The following NCKAP1 variants were observed in gnomAD, a reference collection of about 807,000 sequenced individuals.
NCKAP1 encodes the protein nck-associated protein 1.
Under a neutral mutation model 151.2 loss-of-function variants are expected in NCKAP1, and 21 were observed. That is an observed-to-expected ratio of 0.14 (90% confidence interval 0.10 to 0.20). NCKAP1 has a LOEUF of 0.20. Ranked by LOEUF, NCKAP1 falls within the 10% of genes least tolerant of loss-of-function variation. The pLI, the probability that NCKAP1 is intolerant of heterozygous loss-of-function variation, is 1.00. For synonymous variants in NCKAP1, 484 were observed against 451.8 expected (o/e 1.07, Z -0.90); for missense variants, 933 against 1,352.1 (o/e 0.69, Z 4.86).
intron 23 of NCKAP1, among the ~76,000 whole-genome samples, chr2:182,951,774 C>T (rs1485584948): frequency 6.6e-6 from 1 of 151,720 alleles, no homozygotes; most frequent in Non-Finnish European, 1.5e-5. Context: ...TTTTGGTGGC[C>T]CAAGTTCAAA....
At chr2:182,952,746 G>A (rs1278698610) in intron 22 of NCKAP1, 47 bp downstream of exon 22, 1 of 1,507,892 alleles carries the variant, frequency 6.6e-7, no homozygotes, top group East Asian at 2.3e-5. Flanking sequence ...ACTAGCAAAA[G>A]AATTAAGTGT....
rs1356807100 is a variant in NCKAP1 at position 182,930,794 on chromosome 2, A to G, written c.2860-6T>C. On this transcript the variant is annotated splice_region_variant and splice_polypyrimidine_tract_variant and intron_variant, in intron 26 of 30. Coordinates refer to ENST00000361354, the MANE Select transcript of NCKAP1 (RefSeq NM_013436.5). The stretch of plus-strand genomic sequence containing the variant: ...TCATACACATTCATTGCAACCTGAT[A>G]AAAACAAAAGAATTACAGAGCAATA... 5.0e-6 allele frequency: 8 copies of G among 1,608,806 alleles called. No individual in the cohort carries two copies. Among genetic ancestry groups the G allele is most frequent in the Non-Finnish European group, 6.8e-6 (8 of 1,175,522 alleles).
At chr2:182,955,170 A>G (rs550663111) in intron 20 of NCKAP1, among the ~76,000 whole-genome samples, 60 of 152,332 alleles carry the variant, frequency 3.9e-4, no homozygotes, top group Non-Finnish European at 6.8e-4. Flanking sequence ...GCCACTTTAT[A>G]TACTGTCATA....
At chr2:182,980,924 T>C (rs1295539632) in intron 13 of NCKAP1, among the ~76,000 whole-genome samples, 2 of 152,180 alleles carry the variant, frequency 1.3e-5, no homozygotes, top group Non-Finnish European at 2.9e-5. Context: ...TCTTTTTAAG[T>C]AGTACACCTG....
chr2:182,993,728 T>C (rs906687808), intron 8 of NCKAP1, among the ~76,000 whole-genome samples: 4 of 148,602 alleles, frequency 2.7e-5, no homozygotes, highest in Admixed American at 6.7e-5. Flanking sequence ...TACTTGAAGG[T>C]TGGGATAAAA....
intron 2 of NCKAP1, among the ~76,000 whole-genome samples, chr2:183,010,149 C>T (rs149699189): frequency 8.0e-4 from 122 of 152,352 alleles, no homozygotes; most frequent in East Asian, 5.8e-4. Flanking sequence ...TAGAACTCTA[C>T]TGCCTCCATT....
In NCKAP1 at chr2:182,913,923, T is replaced by A. The variant is rs1248685731; in HGVS notation, c.*11779A>T. The A allele has an allele frequency of 6.6e-6, 1 of 152,288 alleles. No individual in the cohort carries two copies. The highest frequency in any genetic ancestry group is 1.5e-5 in the Non-Finnish European group (1 of 68,124). The allele number at this position is 152,288 out of a possible 1,614,324, so 9.4% of individuals were successfully genotyped here. On this transcript the variant is annotated 3_prime_UTR_variant, in exon 31 of 31. Coordinates refer to ENST00000361354, the MANE Select transcript of NCKAP1 (RefSeq NM_013436.5). ...GTCCATACTCCATGAAACTTTCTGC[T>A]TAAGTAGCCCCCACAACCCTCAGCC...
chr2:182,994,501 T>C (rs1698228460), intron 8 of NCKAP1, among the ~76,000 whole-genome samples: 1 of 152,024 alleles, frequency 6.6e-6, no homozygotes, highest in South Asian at 2.1e-4. Flanking sequence ...TAGCCAGGCA[T>C]GGTAGCGTGT....
intron 29 of NCKAP1, among the ~76,000 whole-genome samples, chr2:182,927,634 A>G (rs571960615): frequency 6.6e-6 from 1 of 152,234 alleles, no homozygotes; most frequent in South Asian, 2.1e-4. Flanking sequence ...GGTAGTGAGT[A>G]GTATTTTTAA....
intron 10 of NCKAP1, among the ~76,000 whole-genome samples, chr2:182,985,132 A>T (rs1188448884): frequency 6.6e-6 from 1 of 152,228 alleles, no homozygotes; most frequent in African/African-American, 2.4e-5. Context: ...AATATGCATG[A>T]GGAATGATAT....
At position 182,921,769 on chromosome 2, in the gene NCKAP1, G is replaced by A. The variant is rs949117225; in HGVS notation, c.*3933C>T. 5.3e-5 allele frequency: 8 copies of A among 152,168 alleles called. No individual in the cohort carries two copies. Among genetic ancestry groups the A allele is most frequent in the Admixed American group, 4.6e-4 (7 of 15,280 alleles). 9.4% of individuals were successfully genotyped at this position (152,168 alleles called of 1,614,324 possible). A position where few individuals can be genotyped will look rare whatever the true frequency, so the allele number is the denominator to read the frequency against. On this transcript the variant is annotated 3_prime_UTR_variant, in exon 31 of 31. Transcript: ENST00000361354. ...GACATGTTTACTCTGGACAGTCAAG[G>A]ACAGCGATGTGTAGGGAAAGTTTGG...
intron 2 of NCKAP1, among the ~76,000 whole-genome samples, chr2:183,020,557 A>G (rs969955793): frequency 3.3e-5 from 5 of 151,746 alleles, no homozygotes; most frequent in South Asian, 2.1e-4. Flanking sequence ...AAATTGGGGG[A>G]CATGTGTTAC....
Position 183,023,933 on chromosome 2 carries a change from A to AT in NCKAP1, c.109-18dup, listed in dbSNP as rs770041907. ...TCCACATGCCTATAAAACAACAGTA[A>AT]TAAAAAAAAGTGAAATGCACCCTTC... is the stretch of plus-strand genomic sequence containing the variant. On this transcript the variant is annotated splice_polypyrimidine_tract_variant and intron_variant, in intron 1 of 30. Coordinates refer to ENST00000361354, the MANE Select transcript of NCKAP1 (RefSeq NM_013436.5). 6.5e-7 allele frequency: 1 copy of AT among 1,544,764 alleles called. No homozygotes were observed. Among genetic ancestry groups the AT allele is most frequent in the East Asian group, 2.3e-5 (1 of 44,074 alleles).
chr2:182,990,548 C>T (rs1698146827), intron 8 of NCKAP1, among the ~76,000 whole-genome samples: 1 of 152,126 alleles, frequency 6.6e-6, no homozygotes, highest in Non-Finnish European at 1.5e-5. Flanking sequence ...TAATTTTATA[C>T]ATGCTGACTG....
intron 2 of NCKAP1, among the ~76,000 whole-genome samples, chr2:183,011,615 T>C (rs1698591608): frequency 1.3e-5 from 2 of 152,208 alleles, no homozygotes; most frequent in Admixed American, 1.3e-4. Context: ...AATTGGTGAG[T>C]AGTATTCTGT....
chr2:183,017,268 A>G (rs531795592), intron 2 of NCKAP1, among the ~76,000 whole-genome samples: 1 of 152,256 alleles, frequency 6.6e-6, no homozygotes, highest in South Asian at 2.1e-4. Context: ...TTTATTGAGC[A>G]CTTTATTTCT....
chr2:183,003,984 T>G (rs559190007), intron 2 of NCKAP1, among the ~76,000 whole-genome samples: 125 of 152,342 alleles, frequency 8.2e-4, no homozygotes, highest in African/African-American at 2.8e-3. Context: ...TCCCAATTTT[T>G]CTTTTAAAAT....
Position 182,964,798 on chromosome 2 carries a change from G to T in NCKAP1, c.1639C>A (p.Arg547Ser). Reference sequence around the variant, plus strand: ...TGTTGAAACATCTTCTCAAAAGCACGACTATAAAAACTATATAAACAAAAA... The same window carrying T: ...TGTTGAAACATCTTCTCAAAAGCACTACTATAAAAACTATATAAACAAAAA... ...SDLSIFCFYS[R>S]AFEKMFQQCL... Residue 547 changes from arginine (R) to serine (S), a missense_variant, in exon 17 of 31, where the codon CGT becomes AGT. Transcript: ENST00000361354. The T allele has an allele frequency of 1.3e-6, 2 of 1,598,900 alleles. No individual in the cohort carries two copies. The highest frequency in any genetic ancestry group is 1.7e-6 in the Non-Finnish European group (2 of 1,173,658).
In NCKAP1 at chr2:182,995,752, C is replaced by A. The variant is rs1358189925; in HGVS notation, c.690G>T (p.Leu230Phe). The change falls in exon 7 of 31, where the codon TTG becomes TTT. Residue 230 changes from leucine to phenylalanine, a missense_variant. Physicochemically the swap from Leu to Phe is conservative, Grantham distance 22. Coordinates refer to ENST00000361354, the MANE Select transcript of NCKAP1 (RefSeq NM_013436.5). ...TTGTACTAGGTGCACTGATGAGGCT[C>A]AATAACTGGGCATTTCTCCACTGGT... ...SADQWRNAQL[L>F]SLISAPSTML... 1 of 1,613,818 alleles carries A rather than the reference C, an allele frequency of 6.2e-7. No homozygotes were observed.
Sources: gnomAD v4.1 joint callset for allele counts (sites outside exome capture counted in the v4.1 genomes callset) on GRCh38, gnomAD v4.1.1 for gene constraint, MANE v1.5 for transcripts, NCBI Gene and HGNC (gene_info 2026-07-23, HGNC 2026-07-21) for gene names.